PTGR1: variants seen among roughly 807,000 people sequenced by gnomAD.
The protein encoded by PTGR1 is 15-oxoprostaglandin 13-reductase.
Under a neutral mutation model 37.7 loss-of-function variants are expected in PTGR1, and 23 were observed. The ratio of observed to expected loss-of-function variants is 0.61; its 90% CI spans 0.44 to 0.86. The LOEUF is 0.86. Among genes scored for constraint, PTGR1 ranks in the 40% least tolerant of loss-of-function variants. PTGR1 has a pLI of 0.00. For synonymous variants in PTGR1, 134 were observed against 140.0 expected (o/e 0.96, Z 0.30); for missense variants, 351 against 394.3 (o/e 0.89, Z 0.93).
At chr9:111,551,814 A>G (rs1827967624) in intron 9 of PTGR1, among the ~76,000 whole-genome samples, 1 of 152,226 alleles carries the variant, frequency 6.6e-6, no homozygotes, top group Admixed American at 6.5e-5. Context: ...AAATTCAGTA[A>G]CATATCAATT....
chr9:111,590,454 G>A (rs373871068), intron 4 of PTGR1, among the ~76,000 whole-genome samples: 1 of 152,038 alleles, frequency 6.6e-6, no homozygotes, highest in African/African-American at 2.4e-5. Flanking sequence ...TGCCTCCTGG[G>A]TTCAAGCAAT....
At chr9:111,552,782 G>C (rs1465165851) in intron 9 of PTGR1, among the ~76,000 whole-genome samples, 2 of 151,778 alleles carry the variant, frequency 1.3e-5, no homozygotes, top group African/African-American at 4.8e-5. Flanking sequence ...TGAATTAATT[G>C]GTCTTTATTA....
At chr9:111,552,433 A>G (rs181945325) in intron 9 of PTGR1, among the ~76,000 whole-genome samples, 106 of 152,332 alleles carry the variant, frequency 7.0e-4, no homozygotes, top group African/African-American at 2.5e-3. Context: ...TGTATCATGC[A>G]ATAGAATAGA....
Position 111,592,986 on chromosome 9 carries a change from C to CGCAA in PTGR1, c.153-5_153-4insTTGC. On this transcript the variant is annotated splice_polypyrimidine_tract_variant and splice_region_variant and intron_variant, in intron 3 of 9. Transcript: ENST00000407693. ...CTTCAATCTTTTGGCTGCCACTCTG[C>CGCAA]AAAAAAAAAAAAAAAAAAAAAAAAA... 1 of 956,900 alleles carries CGCAA rather than the reference C, an allele frequency of 1.0e-6. No individual in the cohort carries two copies. The highest frequency in any genetic ancestry group is 1.3e-6 in the Non-Finnish European group (1 of 763,558). 59.3% of individuals were successfully genotyped at this position (956,900 alleles called of 1,614,324 possible).
intron 2 of PTGR1, among the ~76,000 whole-genome samples, chr9:111,594,505 G>GA (rs972676854): frequency 6.9e-6 from 1 of 144,450 alleles, no homozygotes. Context: ...AAATGTTGAA[G>GA]AAAAAAACGG....
chr9:111,571,602 C>T (rs1257129862), intron 8 of PTGR1, among the ~76,000 whole-genome samples: 1 of 132,306 alleles, frequency 7.6e-6, no homozygotes, highest in South Asian at 2.7e-4. Flanking sequence ...CTCCGCCCTG[C>T]AAGTAGCTGG....
chr9:111,560,894 GATC>G (rs1254154179), downstream of PTGR1, among the ~76,000 whole-genome samples: 1 of 144,686 alleles, frequency 6.9e-6, no homozygotes, highest in South Asian at 2.2e-4. Context: ...AGTGAGTGGA[GATC>G]GCACCACTGC....
At chr9:111,569,989 A>C (rs1215806417) in intron 9 of PTGR1, 102 bp downstream of exon 9, 1 of 1,555,314 alleles carries the variant, frequency 6.4e-7, no homozygotes, top group Non-Finnish European at 8.7e-7. Flanking sequence ...AAAACTGACG[A>C]TGCGGCAGAG....
intron 6 of PTGR1, among the ~76,000 whole-genome samples, chr9:111,580,743 G>T (rs753501227): frequency 2.4e-4 from 31 of 128,452 alleles, no homozygotes; most frequent in Non-Finnish European, 4.8e-4. Flanking sequence ...CAACAAGAGC[G>T]AAACTCCATC....
At chr9:111,582,286 A>G (rs1407095931) in intron 6 of PTGR1, among the ~76,000 whole-genome samples, 1 of 152,220 alleles carries the variant, frequency 6.6e-6, no homozygotes, top group Non-Finnish European at 1.5e-5. Flanking sequence ...AGAAAGGTTG[A>G]ATATAAAAGA....
intron 9 of PTGR1, chr9:111,564,184 C>A: frequency 9.7e-7 from 1 of 1,030,310 alleles, no homozygotes; most frequent in South Asian, 3.2e-5. Flanking sequence ...CTAATGTATT[C>A]CAGTGATGGC....
rs1224204076 is a variant in PTGR1 at position 111,570,145 on chromosome 9, C to G, written c.825G>C (p.Trp275Cys). 6.2e-7 allele frequency: 1 copy of G among 1,614,092 alleles called. No homozygotes were observed. Among genetic ancestry groups the G allele is most frequent in the African/African-American group, 1.3e-5 (1 of 75,022 alleles). Reference protein sequence around the residue: ...LRMEAFVVYRWQGDARQKALK... With the variant: ...LRMEAFVVYRCQGDARQKALK... ...GAGCTTTTTGGCGGGCATCTCCTTG[C>G]CAGCGGTAGACGACAAAAGCTTCCA... The change falls in exon 9 of 10, where the codon TGG becomes TGC. Residue 275 changes from tryptophan to cysteine, a missense_variant. Coordinates refer to ENST00000407693, the MANE Select transcript of PTGR1 (RefSeq NM_001146108.2).
intron 7 of PTGR1, chr9:111,576,390 G>A (rs1265022937): frequency 6.2e-7 from 1 of 1,614,148 alleles, no homozygotes; most frequent in Non-Finnish European, 8.5e-7. Flanking sequence ...TAAAAAAGAT[G>A]CAGATGTTCT....
downstream of PTGR1, among the ~76,000 whole-genome samples, chr9:111,561,149 G>GAC (rs1491555989): frequency 6.3e-5 from 1 of 15,906 alleles, no homozygotes; most frequent in African/African-American, 5.1e-4. Context: ...GAGAGAGAGG[G>GAC]AGAGAGAGAG....
chr9:111,561,104 T>TAG (rs1465441902), downstream of PTGR1, among the ~76,000 whole-genome samples: 49 of 26,364 alleles, frequency 1.9e-3, 1 homozygote, highest in Middle Eastern at 0.013. Context: ...TATATATATA[T>TAG]ATATATAGAG....
At chr9:111,597,962 G>A (rs1001300358) in intron 1 of PTGR1, among the ~76,000 whole-genome samples, 1 of 151,716 alleles carries the variant, frequency 6.6e-6, no homozygotes, top group African/African-American at 2.4e-5. Context: ...AACCACCGGA[G>A]GGCGCCGCTG....
chr9:111,559,511 T>A (rs1179790695), downstream of PTGR1, among the ~76,000 whole-genome samples: 2 of 152,086 alleles, frequency 1.3e-5, no homozygotes, highest in Admixed American at 6.5e-5. Context: ...ATGTTCATTT[T>A]GCTTGGGCTC....
intron 9 of PTGR1, chr9:111,563,468 G>A (rs562959849): frequency 1.0e-4 from 39 of 386,988 alleles, no homozygotes; most frequent in South Asian, 7.2e-4. Context: ...ATCATAGTGC[G>A]AAATGTCATA....
intron 5 of PTGR1, among the ~76,000 whole-genome samples, chr9:111,585,417 T>G (rs1057021838): frequency 6.6e-6 from 1 of 152,070 alleles, no homozygotes; most frequent in Non-Finnish European, 1.5e-5. Flanking sequence ...CTCTCACCCA[T>G]AGAGGGTACA....
Sources: gnomAD v4.1 joint callset for allele counts (sites outside exome capture counted in the v4.1 genomes callset) on GRCh38, gnomAD v4.1.1 for gene constraint, MANE v1.5 for transcripts, NCBI Gene and HGNC (gene_info 2026-07-23, HGNC 2026-07-21) for gene names.